The following CBLN2 variants were observed in gnomAD, a reference collection of about 807,000 sequenced individuals.
CBLN2 encodes cerebellin 2 precursor.
CBLN2 carries 7 observed loss-of-function variants against 15.0 expected under a neutral mutation model. The ratio of observed to expected loss-of-function variants is 0.47; its 90% confidence interval spans 0.27 to 0.88. The LOEUF (loss-of-function observed/expected upper bound fraction) is 0.88, where lower values mean the gene tolerates loss of function less well. CBLN2 is among the 40% of genes least tolerant of loss of function. The pLI, the probability that CBLN2 is intolerant of heterozygous loss-of-function variation, is 0.14. For synonymous variants in CBLN2, 149 were observed against 135.2 expected, an observed-to-expected ratio of 1.10 and a Z score of -0.71; for missense variants, 242 against 304.5, an observed-to-expected ratio of 0.79 and a Z score of 1.53.
intron 1 of CBLN2, chr18:72,618,938 A>G (rs569313543): frequency 1.3e-6 from 1 of 743,072 alleles, no homozygotes; most frequent in South Asian, 1.3e-5. Context: ...TTCAGTGGTC[A>G]TGGTGGCTTT....
At chr18:72,563,748 C>A (rs2069276478) in intron 1 of CBLN2, among the ~76,000 whole-genome samples, 1 of 152,156 alleles carries the variant, frequency 6.6e-6, no homozygotes, top group African/African-American at 2.4e-5. Flanking sequence ...CCCCTCTGCA[C>A]ATGAACAGAG....
At chr18:72,597,115 G>A (rs958868204) in intron 1 of CBLN2, among the ~76,000 whole-genome samples, 6 of 152,180 alleles carry the variant, frequency 3.9e-5, no homozygotes, top group African/African-American at 1.4e-4. Context: ...GGGCATTGAA[G>A]AGTTAGGTAT....
intron 4 of CBLN2, 135 bp from the exon 5 acceptor site, chr18:72,538,508 C>T: frequency 7.1e-7 from 1 of 1,414,750 alleles, no homozygotes. Context: ...TGACAGTGAG[C>T]ACTCCCAGCT....
chr18:72,612,464 C>T (rs2069628837), intron 1 of CBLN2, among the ~76,000 whole-genome samples: 1 of 151,852 alleles, frequency 6.6e-6, no homozygotes, highest in Non-Finnish European at 1.5e-5. Context: ...GGCTCCCCAC[C>T]TTACCTTCAA....
chr18:72,560,312 A>C (rs658467), intron 1 of CBLN2, among the ~76,000 whole-genome samples: 25,420 of 152,218 alleles, frequency 0.17, 2,361 homozygotes, highest in Admixed American at 0.29. Context: ...AATAAGGTGC[A>C]TGAGTGATCA....
At chr18:72,550,905 C>T (rs778691733) in intron 1 of CBLN2, among the ~76,000 whole-genome samples, 4 of 151,964 alleles carry the variant, frequency 2.6e-5, no homozygotes, top group Non-Finnish European at 4.4e-5. Flanking sequence ...AAATGATATA[C>T]GGCTATATTC....
At chr18:72,541,157 C>A (rs950543987) in intron 3 of CBLN2, among the ~76,000 whole-genome samples, 2 of 152,174 alleles carry the variant, frequency 1.3e-5, no homozygotes, top group African/African-American at 2.4e-5. Context: ...TTTGTACCAA[C>A]ACACTGTTCA....
At chr18:72,566,464 C>T (rs1283685581) in intron 1 of CBLN2, among the ~76,000 whole-genome samples, 1 of 152,130 alleles carries the variant, frequency 6.6e-6, no homozygotes, top group Non-Finnish European at 1.5e-5. Context: ...TATACATACA[C>T]AAATTCAGCC....
chr18:72,636,453 G>T (rs1366648159), intron 1 of CBLN2, among the ~76,000 whole-genome samples: 1 of 152,122 alleles, frequency 6.6e-6, no homozygotes, highest in African/African-American at 2.4e-5. Context: ...ACCTTTCCCT[G>T]CATGAAAAGC....
At chr18:72,567,264 A>G (rs1001053403) in intron 1 of CBLN2, among the ~76,000 whole-genome samples, 3 of 152,204 alleles carry the variant, frequency 2.0e-5, no homozygotes, top group Non-Finnish European at 2.9e-5. Flanking sequence ...TAATAATAAG[A>G]AGAACTAAAC....
chr18:72,601,615 G>A (rs1455731607), intron 1 of CBLN2, among the ~76,000 whole-genome samples: 5 of 152,140 alleles, frequency 3.3e-5, no homozygotes, highest in East Asian at 1.9e-4. Flanking sequence ...CCACCAGGGC[G>A]TGGGCCGTGA....
intron 1 of CBLN2, among the ~76,000 whole-genome samples, chr18:72,609,978 G>A (rs2069611094): frequency 6.6e-6 from 1 of 152,118 alleles, no homozygotes. Flanking sequence ...CTGCCATCCT[G>A]TGTGTACAGG....
chr18:72,588,967 T>A (rs1168734729), intron 1 of CBLN2, among the ~76,000 whole-genome samples: 1 of 152,190 alleles, frequency 6.6e-6, no homozygotes, highest in Non-Finnish European at 1.5e-5. Context: ...TGAAAAGCAC[T>A]CTTCTTAGGA....
At chr18:72,611,609 A>G (rs1335666990) in intron 1 of CBLN2, among the ~76,000 whole-genome samples, 1 of 151,934 alleles carries the variant, frequency 6.6e-6, no homozygotes. Flanking sequence ...TGCTTGTTCA[A>G]TTGCTTAAGT....
intron 1 of CBLN2, among the ~76,000 whole-genome samples, chr18:72,622,983 G>A (rs2069711330): frequency 1.3e-5 from 2 of 152,146 alleles, no homozygotes; most frequent in South Asian, 4.1e-4. Context: ...AAGAAAAGAG[G>A]TTGAATTGAC....
intron 1 of CBLN2, among the ~76,000 whole-genome samples, chr18:72,581,899 A>G (rs2069408215): frequency 6.6e-6 from 1 of 152,118 alleles, no homozygotes; most frequent in Non-Finnish European, 1.5e-5. Context: ...TCTATGTTCA[A>G]TCTCTGTGGG....
At chr18:72,554,623 A>G (rs1598995786) in intron 1 of CBLN2, among the ~76,000 whole-genome samples, 1 of 152,176 alleles carries the variant, frequency 6.6e-6, no homozygotes, top group East Asian at 1.9e-4. Context: ...GTTCTAAATA[A>G]CACAAAGTAA....
intron 1 of CBLN2, among the ~76,000 whole-genome samples, chr18:72,581,694 G>A (rs1217154607): frequency 6.6e-6 from 1 of 151,964 alleles, no homozygotes; most frequent in Admixed American, 6.6e-5. Flanking sequence ...CTTTAATGTC[G>A]AATTTTGGTT....
intron 1 of CBLN2, among the ~76,000 whole-genome samples, chr18:72,599,538 G>GT (rs1238518577): frequency 2.0e-5 from 3 of 152,128 alleles, no homozygotes; most frequent in African/African-American, 4.8e-5. Context: ...ATTTTGTGGA[G>GT]TTTTTTAAAA....
Sources: gnomAD v4.1 joint callset for allele counts (sites outside exome capture counted in the v4.1 genomes callset) on GRCh38, gnomAD v4.1.1 for gene constraint, MANE v1.5 for transcripts, NCBI Gene and HGNC (gene_info 2026-07-23, HGNC 2026-07-21) for gene names.